The following RFC3 variants were observed in gnomAD, a reference collection of about 807,000 sequenced individuals.
The protein encoded by RFC3 is replication factor C subunit 3, also known as A1 38 kDa subunit.
Under a neutral mutation model 45.1 loss-of-function variants are expected in RFC3, and 41 were observed. The observed-to-expected ratio is 0.91, with a 90% CI of 0.71 to 1.18. The LOEUF (loss-of-function observed/expected upper bound fraction) is 1.18. RFC3 is among the 50% of genes most tolerant of loss of function. RFC3 has a pLI of 0.00. For synonymous variants in RFC3, 149 were observed against 144.0 expected, an observed-to-expected ratio of 1.03 and a Z score of -0.25; for missense variants, 423 against 428.1, an observed-to-expected ratio of 0.99 and a Z score of 0.10.
chr13:33,863,979 G>A (rs1303710110), intron 8 of RFC3, among the ~76,000 whole-genome samples: 1 of 152,108 alleles, frequency 6.6e-6, no homozygotes, highest in Admixed American at 6.6e-5. Context: ...AAGGAGAAGA[G>A]GTTTATTTTG....
At chr13:33,947,367 G>A (rs2082960796) in intron 8 of RFC3, among the ~76,000 whole-genome samples, 1 of 152,080 alleles carries the variant, frequency 6.6e-6, no homozygotes, top group South Asian at 2.1e-4. Flanking sequence ...AGTTTCCTGA[G>A]GCCTCCTCAG....
At chr13:33,970,096 CCCTCCAA>C (rs2083103928), downstream of RFC3, among the ~76,000 whole-genome samples, 1 of 152,080 alleles carries the variant, frequency 6.6e-6, no homozygotes, top group Non-Finnish European at 1.5e-5. Flanking sequence ...CCACCCTCCA[CCCTCCAA>C]CAGACCCCAG....
downstream of RFC3, among the ~76,000 whole-genome samples, chr13:33,838,163 G>T (rs1212322803): frequency 3.9e-5 from 6 of 152,016 alleles, no homozygotes; most frequent in Admixed American, 3.9e-4. Flanking sequence ...ATAATATCTT[G>T]ATATATTGAC....
rs745477834 is a variant in RFC3 at position 33,831,238 on chromosome 13, T to TC, written c.711-17dup. 7 of 1,456,458 alleles carry TC rather than the reference T, an allele frequency of 4.8e-6. No individual in the cohort carries two copies. In the Admixed American group the frequency reaches 1.2e-4, roughly 24 times the overall value. 90.2% of individuals were successfully genotyped at this position (1,456,458 alleles called of 1,614,324 possible). ...CACACTTCTGTTTAACTTCTTGTGT[T>TC]CTCTTTTTGTCATGTAGATATCCTT... On this transcript the variant is annotated splice_polypyrimidine_tract_variant and intron_variant, in intron 6 of 8. Transcript: ENST00000380071.
intron 8 of RFC3, among the ~76,000 whole-genome samples, chr13:33,857,920 T>C (rs551917742): frequency 1.4e-4 from 21 of 152,306 alleles, no homozygotes; most frequent in African/African-American, 4.8e-4. Context: ...GGTAGACAGC[T>C]TTCATCAAAA....
At chr13:33,886,966 A>G (rs1409494247) in intron 8 of RFC3, among the ~76,000 whole-genome samples, 1 of 148,308 alleles carries the variant, frequency 6.7e-6, no homozygotes, top group Non-Finnish European at 1.5e-5. Flanking sequence ...ACATGAACTC[A>G]TCATTTTTTA....
At chr13:33,885,673 A>G (rs779623030) in intron 8 of RFC3, among the ~76,000 whole-genome samples, 1 of 152,234 alleles carries the variant, frequency 6.6e-6, no homozygotes, top group Non-Finnish European at 1.5e-5. Context: ...AAGTAAAAGG[A>G]AAAATAATTA....
At chr13:33,965,144 T>C (rs2083079591) in intron 8 of RFC3, among the ~76,000 whole-genome samples, 1 of 152,176 alleles carries the variant, frequency 6.6e-6, no homozygotes, top group African/African-American at 2.4e-5. Flanking sequence ...TTGTCAAAGC[T>C]ACTTCAGGAA....
In RFC3 at chr13:33,835,224, C is replaced by A; in HGVS notation, c.879+7C>A. 1 of 1,592,266 alleles carries A rather than the reference C, an allele frequency of 6.3e-7. No homozygotes were observed. Among genetic ancestry groups the A allele is most frequent in the East Asian group, 2.2e-5 (1 of 44,758 alleles). On this transcript the variant is annotated splice_region_variant and intron_variant, in intron 8 of 8. Transcript: ENST00000380071. ...TCCTGAGATAATAATGAAGGTAACC[C>A]AATTTCAGATCTTGAACTTTTTACA... is the stretch of plus-strand genomic sequence containing the variant.
chr13:33,973,612 C>CCTCCTT, the RFC3 span, among the ~76,000 whole-genome samples: 29 of 150,552 alleles, frequency 1.9e-4, no homozygotes, highest in African/African-American at 6.4e-4. Context: ...TTCTCCTTCT[C>CCTCCTT]CTCCTTCTCC....
intron 8 of RFC3, among the ~76,000 whole-genome samples, chr13:33,900,408 T>G (rs1315746637): frequency 1.3e-5 from 2 of 151,750 alleles, no homozygotes; most frequent in Non-Finnish European, 2.9e-5. Context: ...TGACAAAGTT[T>G]CCAAGAATGT....
At position 33,966,270 on chromosome 13, in the gene RFC3, C is replaced by T. The variant is rs2083087281; in HGVS notation, c.*145C>T. Reference sequence around the variant, plus strand: ...TCAGACTCCAGCCTGAATGTTATTTCCTGAGAAAATCCCTCCCTGACCCAC... The same window carrying T: ...TCAGACTCCAGCCTGAATGTTATTTTCTGAGAAAATCCCTCCCTGACCCAC... On this transcript the variant is annotated 3_prime_UTR_variant, in exon 9 of 9. Transcript: ENST00000434425. 16 of 688,044 alleles carry T rather than the reference C, an allele frequency of 2.3e-5. 1 individual carries two copies. The South Asian group carries it at 2.5e-4, about 11-fold the overall frequency. The allele number at this position is 688,044 out of a possible 1,614,324, so 42.6% of individuals were successfully genotyped here. A position where few individuals can be genotyped will look rare whatever the true frequency, so the allele number is the denominator to read the frequency against.
intron 8 of RFC3, among the ~76,000 whole-genome samples, chr13:33,874,301 G>A (rs1277399368): frequency 3.3e-5 from 5 of 152,066 alleles, no homozygotes; most frequent in Non-Finnish European, 7.4e-5. Flanking sequence ...CTAGATGGGT[G>A]CTTCTTTTTG....
At chr13:33,823,481 T>C (rs893190850) in intron 2 of RFC3, among the ~76,000 whole-genome samples, 2 of 152,178 alleles carry the variant, frequency 1.3e-5, no homozygotes, top group Non-Finnish European at 2.9e-5. Flanking sequence ...CAAGATATAT[T>C]AAGTAGGAAA....
chr13:33,974,907 G>A, the RFC3 span, among the ~76,000 whole-genome samples: 2 of 152,068 alleles, frequency 1.3e-5, no homozygotes, highest in African/African-American at 2.4e-5. Flanking sequence ...CTAACTGATG[G>A]CAATGATGTG....
At chr13:33,904,301 G>GT (rs1266983269) in intron 8 of RFC3, among the ~76,000 whole-genome samples, 7 of 151,908 alleles carry the variant, frequency 4.6e-5, no homozygotes, top group African/African-American at 1.5e-4. Context: ...TGACTTTCCT[G>GT]TTTTTTTCTT....
intron 8 of RFC3, among the ~76,000 whole-genome samples, chr13:33,925,559 C>T (rs113336515): frequency 0.13 from 15,354 of 117,818 alleles, 1,104 homozygotes; most frequent in African/African-American, 0.3. Context: ...TACATACATA[C>T]ATAGTGTACT....
Sources: allele counts gnomAD v4.1 joint callset (sites outside exome capture counted in the v4.1 genomes callset), GRCh38; gene constraint gnomAD v4.1.1; transcripts MANE v1.5; gene names NCBI Gene and HGNC (gene_info 2026-07-23, HGNC 2026-07-21).